The following STAG1 variants were observed in gnomAD, a reference collection of about 807,000 sequenced individuals.
STAG1 encodes the protein cohesin subunit SA-1.
In STAG1, 26 loss-of-function variants were observed where a neutral mutation model predicts 170.9. The ratio of observed to expected loss-of-function variants is 0.15; its 90% CI spans 0.11 to 0.21. The LOEUF (loss-of-function observed/expected upper bound fraction) is 0.21. Among genes scored for constraint, STAG1 ranks in the 10% least tolerant of loss-of-function variants. The pLI is 1.00. For synonymous variants in STAG1, 514 were observed against 497.7 expected (o/e 1.03, Z -0.44); for missense variants, 964 against 1,509.5 (o/e 0.64, Z 5.99).
chr3:136,629,955 G>A (rs1440060484), intron 2 of STAG1, among the ~76,000 whole-genome samples: 1 of 152,066 alleles, frequency 6.6e-6, no homozygotes, highest in Non-Finnish European at 1.5e-5. Flanking sequence ...CGGCACTTTG[G>A]GAGGCTGAGG....
intron 1 of STAG1, among the ~76,000 whole-genome samples, chr3:136,741,437 T>G (rs1934666096): frequency 6.6e-6 from 1 of 152,250 alleles, no homozygotes; most frequent in South Asian, 2.1e-4. Context: ...ATGATTATTA[T>G]AACTGAAAGA....
rs145886948 is a variant in STAG1 at position 136,456,359 on chromosome 3, T to C, written c.1314-4212A>G. On this transcript the variant is annotated intron_variant, in intron 13 of 33. Transcript: ENST00000383202. Reference sequence around the variant, plus strand: ...ATATACATCCTAGAAATAAAGAATATAACTGAAGTGAAAAACTCACTAGAA... The same window carrying C: ...ATATACATCCTAGAAATAAAGAATACAACTGAAGTGAAAAACTCACTAGAA... Among the ~76,000 whole-genome samples, 510 of 152,126 alleles carry C rather than the reference T, an allele frequency of 3.4e-3. 8 individuals are homozygous for C. In the East Asian group the frequency reaches 0.048, roughly 14 times the overall value.
chr3:136,521,043 G>T (rs751884943), intron 7 of STAG1, among the ~76,000 whole-genome samples, 170 bp downstream of exon 7: 33 of 151,940 alleles, frequency 2.2e-4, no homozygotes, highest in Non-Finnish European at 2.2e-4. Context: ...TCATTCTTAA[G>T]GCTATCAAAT....
rs1284608211 is a variant in STAG1, at chr3:136,602,335, C to T, written c.297+1974G>A. ...CGGAGGTTGCAGCGAGCCGGGATCA[C>T]GCCACTGCACTCCAGCCTGGCGACA... On this transcript the variant is annotated intron_variant, in intron 4 of 33. Transcript: ENST00000383202. Among the ~76,000 whole-genome samples, 3 of 148,696 alleles carry T rather than the reference C, an allele frequency of 2.0e-5. No homozygotes were observed. The East Asian group carries it at 6.0e-4, about 30-fold the overall frequency.
intron 15 of STAG1, 104 bp downstream of exon 15, chr3:136,443,180 CACA>C (rs1398542890): frequency 1.6e-6 from 1 of 642,914 alleles, no homozygotes; most frequent in African/African-American, 1.8e-5. Flanking sequence ...GGCAAAAAGA[CACA>C]ACATGCTTAT....
At chr3:136,452,392 G>A (rs548858852) in intron 13 of STAG1, among the ~76,000 whole-genome samples, 17 of 151,762 alleles carry the variant, frequency 1.1e-4, no homozygotes, top group South Asian at 8.3e-4. Flanking sequence ...GTGAAATCCC[G>A]TCTCTACTAA....
At chr3:136,585,272 T>C (rs2107784430) in intron 4 of STAG1, among the ~76,000 whole-genome samples, 1 of 152,242 alleles carries the variant, frequency 6.6e-6, no homozygotes, top group South Asian at 2.1e-4. Flanking sequence ...TAAAACCCTG[T>C]CTCTGCTAAA....
At chr3:136,692,968 C>A (rs1386619435) in intron 1 of STAG1, among the ~76,000 whole-genome samples, 1 of 152,050 alleles carries the variant, frequency 6.6e-6, no homozygotes, top group African/African-American at 2.4e-5. Flanking sequence ...ATTTTGGGAG[C>A]CAGCAGAGAT....
At chr3:136,484,520 GCTGT>G (rs2089961327) in intron 9 of STAG1, among the ~76,000 whole-genome samples, 1 of 143,880 alleles carries the variant, frequency 7.0e-6, no homozygotes, top group Non-Finnish European at 1.5e-5. Context: ...AGAGGTTACT[GCTGT>G]CTTTTTGTTT....
At chr3:136,455,152 AT>A (rs1389221413) in intron 13 of STAG1, among the ~76,000 whole-genome samples, 3 of 152,236 alleles carry the variant, frequency 2.0e-5, no homozygotes, top group Non-Finnish European at 2.9e-5. Context: ...AGATATTCTA[AT>A]AAAAACTTTT....
At chr3:136,517,317 G>C (rs536130075) in intron 7 of STAG1, among the ~76,000 whole-genome samples, 2 of 152,136 alleles carry the variant, frequency 1.3e-5, no homozygotes, top group African/African-American at 2.4e-5. Flanking sequence ...ACTCCCTTTT[G>C]TTCAAATTAG....
intron 1 of STAG1, among the ~76,000 whole-genome samples, chr3:136,717,741 T>A (rs1288514782): frequency 6.6e-6 from 1 of 152,126 alleles, no homozygotes; most frequent in Non-Finnish European, 1.5e-5. Context: ...TCTCAGACTA[T>A]CCAGTGAGAT....
At chr3:136,526,348 T>A (rs932284342) in intron 6 of STAG1, among the ~76,000 whole-genome samples, 73 of 152,278 alleles carry the variant, frequency 4.8e-4, no homozygotes, top group Non-Finnish European at 3.4e-4. Flanking sequence ...ACCATTATGT[T>A]ATGGCCTTCT....
chr3:136,737,200 G>A lies in STAG1; in HGVS notation c.-84+14995C>T, dbSNP rs114517155. On this transcript the variant is annotated intron_variant, in intron 1 of 33. Coordinates refer to ENST00000383202, the MANE Select transcript of STAG1 (RefSeq NM_005862.3). ...GTCATAAATGCTGCCTCCGCCACACGAAGTCCCGCTCTCTCCTGAAGCCGC... is the reference window on the plus strand; with the variant it reads ...GTCATAAATGCTGCCTCCGCCACACAAAGTCCCGCTCTCTCCTGAAGCCGC... 2.4e-3 allele frequency: 1,702 copies of A among 696,484 alleles called. 22 individuals carry two copies. In the African/African-American group the frequency reaches 0.026, roughly 11 times the overall value. The allele number at this position is 696,484 out of a possible 1,614,324, so 43.1% of individuals were successfully genotyped here.
At chr3:136,449,097 G>C (rs1224740025) in intron 14 of STAG1, among the ~76,000 whole-genome samples, 2 of 152,192 alleles carry the variant, frequency 1.3e-5, no homozygotes, top group Non-Finnish European at 2.9e-5. Context: ...GCTTCATTAA[G>C]CATTCATCCT....
rs145097553 is a variant in STAG1 at position 136,747,546 on chromosome 3, G to A, written c.-84+4649C>T. 9.8e-3 allele frequency among the ~76,000 whole-genome samples: 1,492 copies of A among 152,006 alleles called. 27 individuals carry two copies. Among genetic ancestry groups the A allele is most frequent in the African/African-American group, 0.033 (1,386 of 41,478 alleles). Reference sequence around the variant, plus strand: ...TCTATACAAAATACAAAAATTAGCCGGGCGTAGTGGCATGCACCTGTAGTC... The same window carrying A: ...TCTATACAAAATACAAAAATTAGCCAGGCGTAGTGGCATGCACCTGTAGTC... On this transcript the variant is annotated intron_variant, in intron 1 of 33. Coordinates refer to ENST00000383202, the MANE Select transcript of STAG1 (RefSeq NM_005862.3).
intron 22 of STAG1, among the ~76,000 whole-genome samples, chr3:136,385,830 G>A (rs1368491046): frequency 1.3e-5 from 2 of 151,888 alleles, no homozygotes; most frequent in African/African-American, 4.8e-5. Flanking sequence ...GCCTCCCAAG[G>A]GGCTGGGAAT....
rs1012928398 is a variant in STAG1 at position 136,566,344 on chromosome 3, C to T, written c.394+2421G>A. Among the ~76,000 whole-genome samples, 44 of 152,246 alleles carry T rather than the reference C, an allele frequency of 2.9e-4. 1 individual carries two copies. The highest frequency in any genetic ancestry group is 1.0e-3 in the African/African-American group (43 of 41,550). ...TAGTATTCTGCAATGTGGAAGAGGG[C>T]CCTCACAAGAACCAGACGATATTGA... On this transcript the variant is annotated intron_variant, in intron 5 of 33. Coordinates refer to ENST00000383202, the MANE Select transcript of STAG1 (RefSeq NM_005862.3).
chr3:136,394,710 T>C (rs1439055704), intron 22 of STAG1, among the ~76,000 whole-genome samples: 4 of 151,800 alleles, frequency 2.6e-5, no homozygotes. Flanking sequence ...CCCAGCAATT[T>C]GGGAGGCGAA....
Sources: gnomAD v4.1 joint callset for allele counts (sites outside exome capture counted in the v4.1 genomes callset) on GRCh38, gnomAD v4.1.1 for gene constraint, MANE v1.5 for transcripts, NCBI Gene and HGNC (gene_info 2026-07-23, HGNC 2026-07-21) for gene names.